Variants in MALRD1 observed in about 807,000 individuals in gnomAD.
MALRD1 encodes the protein MAM and LDL-receptor class A domain-containing protein 1.
A neutral mutation model predicts 242.1 loss-of-function variants in MALRD1; 247 were observed. The observed-to-expected ratio is 1.02, with a 90% CI of 0.92 to 1.13. The LOEUF is 1.13. Ranked by LOEUF, MALRD1 falls within the 50% of genes most tolerant of loss-of-function variation. The pLI, the probability that MALRD1 is intolerant of heterozygous loss-of-function variation, is 0.00. For synonymous variants in MALRD1, 995 were observed against 866.6 expected (o/e 1.15, Z -2.60); for missense variants, 2,989 against 2,533.1 (o/e 1.18, Z -3.86).
intron 21 of MALRD1, among the ~76,000 whole-genome samples, chr10:19,314,891 T>C (rs1016011124): frequency 2.0e-5 from 3 of 151,144 alleles, no homozygotes; most frequent in African/African-American, 7.3e-5. Context: ...ATAAGTGTTA[T>C]ATATGACCAG....
chr10:19,399,567 A>G (rs1564307012), intron 28 of MALRD1, among the ~76,000 whole-genome samples: 1 of 152,132 alleles, frequency 6.6e-6, no homozygotes, highest in Non-Finnish European at 1.5e-5. Context: ...CGTTTTTACC[A>G]ATTACAGATT....
At chr10:19,388,869 C>T (rs1846204241) in intron 27 of MALRD1, among the ~76,000 whole-genome samples, 1 of 101,700 alleles carries the variant, frequency 9.8e-6, no homozygotes, top group Non-Finnish European at 2.0e-5. Flanking sequence ...ATTGAAATTC[C>T]ATAGGTCTAC....
At chr10:19,324,214 C>T in intron 22 of MALRD1, 109 bp downstream of exon 22, 1 of 1,052,692 alleles carries the variant, frequency 9.5e-7, no homozygotes, top group Non-Finnish European at 1.4e-6. Context: ...GGACAATTAC[C>T]AACACTTCAC....
chr10:19,726,012 T>C (rs1024083409), intron 38 of MALRD1, among the ~76,000 whole-genome samples: 2 of 152,176 alleles, frequency 1.3e-5, no homozygotes, highest in Non-Finnish European at 2.9e-5. Flanking sequence ...AACATAGTGG[T>C]AAATCTTCAT....
At chr10:19,715,871 A>G (rs1473175500) in intron 38 of MALRD1, among the ~76,000 whole-genome samples, 1 of 152,198 alleles carries the variant, frequency 6.6e-6, no homozygotes, top group Non-Finnish European at 1.5e-5. Context: ...ATGGATTCCT[A>G]GAGTGAGAAC....
chr10:19,580,479 C>T (rs1455378866), intron 33 of MALRD1, among the ~76,000 whole-genome samples: 1 of 152,104 alleles, frequency 6.6e-6, no homozygotes, highest in Admixed American at 6.6e-5. Context: ...ATGACATCGC[C>T]CATCATCCAC....
chr10:19,531,262 A>G lies in MALRD1; in HGVS notation c.5389A>G (p.Thr1797Ala), dbSNP rs1834402209. 1.3e-6 allele frequency: 2 copies of G among 1,550,432 alleles called. No homozygotes were observed. Among genetic ancestry groups the G allele is most frequent in the East Asian group, 2.4e-5 (1 of 40,912 alleles). Reference sequence around the variant, plus strand: ...GGAAGGATCCGTTGCCAGAATTACTACTTCCAAATCCTTCCCAGCAAGCCT... The same window carrying G: ...GGAAGGATCCGTTGCCAGAATTACTGCTTCCAAATCCTTCCCAGCAAGCCT... Reference protein sequence around the residue: ...SKEGSVARITTSKSFPASLGM... With the variant: ...SKEGSVARITASKSFPASLGM... Residue 1797 changes from threonine to alanine, a missense_variant, in exon 32 of 40, where the codon ACT (threonine) becomes GCT (alanine). Coordinates refer to ENST00000454679, the MANE Select transcript of MALRD1 (RefSeq NM_001142308.3).
intron 35 of MALRD1, among the ~76,000 whole-genome samples, chr10:19,609,705 A>G (rs1838801518): frequency 6.6e-6 from 1 of 152,034 alleles, no homozygotes; most frequent in African/African-American, 2.4e-5. Context: ...CAAGTATATT[A>G]TTTTCAAGTT....
chr10:19,439,859 T>C (rs1397937239), intron 28 of MALRD1, among the ~76,000 whole-genome samples: 1 of 152,196 alleles, frequency 6.6e-6, no homozygotes, highest in African/African-American at 2.4e-5. Flanking sequence ...CTAATGTATA[T>C]TCTTTGGTCG....
At chr10:19,344,721 G>T (rs1252942589) in intron 24 of MALRD1, among the ~76,000 whole-genome samples, 3 of 96,426 alleles carry the variant, frequency 3.1e-5, no homozygotes, top group African/African-American at 8.6e-5. Flanking sequence ...CATGTCAATT[G>T]GGGGGGGGGA....
intron 5 of MALRD1, among the ~76,000 whole-genome samples, chr10:19,118,770 T>A (rs1836962626): frequency 6.6e-6 from 1 of 152,158 alleles, no homozygotes; most frequent in Non-Finnish European, 1.5e-5. Flanking sequence ...GAGGAGTCCA[T>A]TCAGATGGTT....
At chr10:19,469,444 A>G (rs763802090) in intron 29 of MALRD1, among the ~76,000 whole-genome samples, 4 of 152,156 alleles carry the variant, frequency 2.6e-5, no homozygotes, top group Non-Finnish European at 5.9e-5. Flanking sequence ...GTAGATAGTC[A>G]CACAACAAAA....
At chr10:19,109,936 G>A (rs1223569104) in intron 5 of MALRD1, among the ~76,000 whole-genome samples, 1 of 152,216 alleles carries the variant, frequency 6.6e-6, no homozygotes, top group Non-Finnish European at 1.5e-5. Flanking sequence ...GATGGGGGAT[G>A]CTGGGGGCCT....
chr10:19,665,363 G>T (rs1016566848), intron 36 of MALRD1, among the ~76,000 whole-genome samples: 1 of 152,158 alleles, frequency 6.6e-6, no homozygotes, highest in African/African-American at 2.4e-5. Context: ...GTTTCTTTGC[G>T]TAGCATCTCA....
At chr10:19,580,190 A>G (rs564759258) in intron 33 of MALRD1, among the ~76,000 whole-genome samples, 1 of 152,194 alleles carries the variant, frequency 6.6e-6, no homozygotes, top group Non-Finnish European at 1.5e-5. Flanking sequence ...CCTATGTTTT[A>G]GATTATTGGG....
chr10:19,331,475 C>T lies in MALRD1; in HGVS notation c.3794C>T (p.Thr1265Ile), dbSNP rs1843367427. The change falls in exon 24 of 40, where the codon ACT becomes ATT. Residue 1265 changes from threonine (T) to isoleucine (I), a missense_variant. By Grantham distance (89) the Thr-to-Ile change is moderately conservative. Coordinates refer to ENST00000454679, the MANE Select transcript of MALRD1 (RefSeq NM_001142308.3). ...TTGCTTAGCCCAGAGAGAAAGTGTA[C>T]TGATCATGAATTCATGTGTGCTAAT... ...SPLLSPERKC[T>I]DHEFMCANKH... is the part of the protein sequence containing the mutation. 6.4e-7 allele frequency: 1 copy of T among 1,550,406 alleles called. No individual in the cohort carries two copies. The highest frequency in any genetic ancestry group is 8.7e-7 in the Non-Finnish European group (1 of 1,146,808).
chr10:19,600,036 G>T (rs1341572103), intron 34 of MALRD1, among the ~76,000 whole-genome samples: 2 of 152,136 alleles, frequency 1.3e-5, no homozygotes, highest in Admixed American at 6.6e-5. Flanking sequence ...CAGAACAACT[G>T]TGAAAAACAA....
chr10:19,104,261 A>G (rs1168456998), intron 5 of MALRD1, among the ~76,000 whole-genome samples, 186 bp downstream of exon 5: 2 of 152,142 alleles, frequency 1.3e-5, no homozygotes, highest in African/African-American at 4.8e-5. Flanking sequence ...GCTGTTTTTC[A>G]CTGACTGATG....
chr10:19,208,618 T>A (rs1255582095), intron 17 of MALRD1, among the ~76,000 whole-genome samples: 1 of 152,140 alleles, frequency 6.6e-6, no homozygotes, highest in African/African-American at 2.4e-5. Flanking sequence ...AACATCTACA[T>A]CAGGGTGCTT....
Sources: allele counts gnomAD v4.1 joint callset (sites outside exome capture counted in the v4.1 genomes callset), GRCh38; gene constraint gnomAD v4.1.1; transcripts MANE v1.5; gene names NCBI Gene and HGNC (gene_info 2026-07-23, HGNC 2026-07-21).